Variants in PKNOX2 observed in about 807,000 individuals in gnomAD.
PKNOX2 encodes the protein PBX/knotted 1 homeobox 2, also known as homeobox protein PKNOX2.
Under a neutral mutation model 53.1 loss-of-function variants are expected in PKNOX2, and 14 were observed. The observed-to-expected ratio is 0.26, with a 90% CI of 0.17 to 0.41. The LOEUF is 0.41. PKNOX2 is among the 10% of genes least tolerant of loss of function. The pLI is 1.00. For synonymous variants in PKNOX2, 257 were observed against 242.8 expected (o/e 1.06, Z -0.54); for missense variants, 496 against 602.8 (o/e 0.82, Z 1.85).
At chr11:125,364,831 T>C (rs1952103825) in intron 4 of PKNOX2, among the ~76,000 whole-genome samples, 1 of 152,126 alleles carries the variant, frequency 6.6e-6, no homozygotes, top group South Asian at 2.1e-4. Context: ...CCTCATGGTG[T>C]CTGAGCCTGT....
At chr11:125,321,403 T>C (rs1949509283) in intron 2 of PKNOX2, among the ~76,000 whole-genome samples, 1 of 152,232 alleles carries the variant, frequency 6.6e-6, no homozygotes, top group African/African-American at 2.4e-5. Context: ...CCTACGCACA[T>C]ACTCCTGTAT....
chr11:125,387,465 G>A (rs7102309), intron 6 of PKNOX2, among the ~76,000 whole-genome samples: 12,774 of 152,246 alleles, frequency 0.084, 851 homozygotes, highest in African/African-American at 0.18. Context: ...GACCCACCAA[G>A]AACGGCCTCC....
intron 2 of PKNOX2, among the ~76,000 whole-genome samples, chr11:125,309,064 C>T (rs1051432436): frequency 1.8e-4 from 27 of 152,116 alleles, no homozygotes; most frequent in African/African-American, 6.3e-4. Context: ...ACCATTGACT[C>T]CTTCATCTGG....
chr11:125,182,243 C>T (rs1956195598), intron 1 of PKNOX2, among the ~76,000 whole-genome samples: 1 of 152,138 alleles, frequency 6.6e-6, no homozygotes, highest in African/African-American at 2.4e-5. Context: ...CTAACCTGGG[C>T]AGGCAGTTGG....
intron 2 of PKNOX2, among the ~76,000 whole-genome samples, chr11:125,245,331 T>A (rs1943478052): frequency 6.6e-6 from 1 of 152,188 alleles, no homozygotes; most frequent in Admixed American, 6.5e-5. Flanking sequence ...CTATCTGTGG[T>A]CACCCTCCAC....
intron 10 of PKNOX2, among the ~76,000 whole-genome samples, chr11:125,426,703 C>T (rs1011153642): frequency 6.6e-6 from 1 of 152,052 alleles, no homozygotes; most frequent in Non-Finnish European, 1.5e-5. Flanking sequence ...AATCCTTCAA[C>T]GTTGGCCTCT....
At chr11:125,413,831 G>C (rs999222774) in intron 10 of PKNOX2, among the ~76,000 whole-genome samples, 2 of 152,102 alleles carry the variant, frequency 1.3e-5, no homozygotes, top group South Asian at 4.1e-4. Flanking sequence ...ACTTCTGAAG[G>C]GGGAGAAAGG....
chr11:125,427,181 G>A (rs1956473023), intron 10 of PKNOX2, among the ~76,000 whole-genome samples: 1 of 152,208 alleles, frequency 6.6e-6, no homozygotes, highest in Non-Finnish European at 1.5e-5. Flanking sequence ...AGCTCCCAGA[G>A]TCCTTGCCTC....
intron 10 of PKNOX2, among the ~76,000 whole-genome samples, chr11:125,416,531 A>T (rs12286869): frequency 0.02 from 2,967 of 152,010 alleles, 148 homozygotes; most frequent in African/African-American, 0.068. Flanking sequence ...TCATTGGTTT[A>T]CAGAAGAGTT....
chr11:125,414,944 ATTTGTTGT>A (rs1218763743), intron 10 of PKNOX2, among the ~76,000 whole-genome samples: 1 of 152,146 alleles, frequency 6.6e-6, no homozygotes, highest in Admixed American at 6.5e-5. Context: ...TAGATAGCTG[ATTTGTTGT>A]TTTCATCTAT....
chr11:125,315,421 G>T (rs1282012277), intron 2 of PKNOX2, among the ~76,000 whole-genome samples: 1 of 152,052 alleles, frequency 6.6e-6, no homozygotes, highest in African/African-American at 2.4e-5. Context: ...CCAGCCCATG[G>T]GGTCTGCTAC....
intron 2 of PKNOX2, among the ~76,000 whole-genome samples, chr11:125,242,144 C>T (rs1023490412): frequency 6.6e-6 from 1 of 152,122 alleles, no homozygotes. Flanking sequence ...ATGTGGGGGC[C>T]CTGTGCTTGG....
At chr11:125,327,739 A>G (rs1177043096) in intron 2 of PKNOX2, among the ~76,000 whole-genome samples, 1 of 152,176 alleles carries the variant, frequency 6.6e-6, no homozygotes, top group African/African-American at 2.4e-5. Context: ...TGGCAGTGAC[A>G]GGAAGGAGAT....
chr11:125,346,762 G>GAGGA (rs1555159728), intron 3 of PKNOX2, among the ~76,000 whole-genome samples: 2 of 151,316 alleles, frequency 1.3e-5, no homozygotes, highest in African/African-American at 4.9e-5. Flanking sequence ...GGAAGGAAGG[G>GAGGA]AGGAAGGAGG....
intron 7 of PKNOX2, among the ~76,000 whole-genome samples, chr11:125,408,366 C>A (rs1031964127): frequency 6.6e-5 from 10 of 152,230 alleles, no homozygotes; most frequent in Non-Finnish European, 1.5e-4. Context: ...CACGGGGCCC[C>A]AGGAAGGGGA....
At chr11:125,296,790 C>T (rs1947689836) in intron 2 of PKNOX2, among the ~76,000 whole-genome samples, 1 of 152,156 alleles carries the variant, frequency 6.6e-6, no homozygotes, top group Non-Finnish European at 1.5e-5. Context: ...TGTGCGCCAC[C>T]AAGCCCAGAT....
chr11:125,193,940 T>C (rs569231969), intron 1 of PKNOX2, among the ~76,000 whole-genome samples: 1 of 152,302 alleles, frequency 6.6e-6, no homozygotes, highest in African/African-American at 2.4e-5. Flanking sequence ...CTCCCCACAG[T>C]GTTGTGAGTA....
chr11:125,313,898 G>C (rs1214575924), intron 2 of PKNOX2, among the ~76,000 whole-genome samples: 1 of 152,182 alleles, frequency 6.6e-6, no homozygotes, highest in African/African-American at 2.4e-5. Context: ...GAAAGTGCCG[G>C]GCTAAGATGC....
At chr11:125,383,486 G>A (rs1953397508) in intron 5 of PKNOX2, among the ~76,000 whole-genome samples, 1 of 151,626 alleles carries the variant, frequency 6.6e-6, no homozygotes. Flanking sequence ...GCATGATGGC[G>A]GGAACCTATA....
Sources: gnomAD v4.1 joint callset for allele counts (sites outside exome capture counted in the v4.1 genomes callset) on GRCh38, gnomAD v4.1.1 for gene constraint, MANE v1.5 for transcripts, NCBI Gene and HGNC (gene_info 2026-07-23, HGNC 2026-07-21) for gene names.